Variants in ATP13A2 observed in about 807,000 individuals in gnomAD.
The protein encoded by ATP13A2 is polyamine-transporting ATPase 13A2.
A neutral mutation model predicts 138.3 loss-of-function variants in ATP13A2; 83 were observed. The observed-to-expected ratio is 0.60, with a 90% confidence interval of 0.50 to 0.72. The LOEUF (loss-of-function observed/expected upper bound fraction) is 0.72. ATP13A2 is among the 30% of genes least tolerant of loss of function. The pLI is 0.00. For missense variants in ATP13A2, 1,402 were observed against 1,606.4 expected (o/e 0.87, Z 2.17); for synonymous variants, 663 against 699.0 (o/e 0.95, Z 0.81).
At position 16,997,414 on chromosome 1, in the gene ATP13A2, C is replaced by CGGG. The variant is rs1379881479; in HGVS notation, c.1040-242_1040-240dup. Among the ~76,000 whole-genome samples the CGGG allele has an allele frequency of 5.4e-3, 304 of 55,858 alleles. 6 individuals carry two copies. The highest frequency in any genetic ancestry group is 0.017 in the African/African-American group (174 of 10,180). 36.6% of individuals were successfully genotyped at this position (55,858 alleles called of 152,430 possible). Reference sequence around the variant, plus strand: ...GTGGCAGCCAGCTCCCTGGAACCAGCGGGGGGGGGTGGGTCAGACAGAGCA... The same window carrying CGGG: ...GTGGCAGCCAGCTCCCTGGAACCAGCGGGGGGGGGGGGTGGGTCAGACAGAGCA... On this transcript the variant is annotated intron_variant, in intron 11 of 28. Coordinates refer to ENST00000326735, the MANE Select transcript of ATP13A2 (RefSeq NM_022089.4).
intron 25 of ATP13A2, 81 bp from the exon 26 acceptor site, chr1:16,987,350 C>T (rs2076773695): frequency 7.4e-7 from 1 of 1,359,738 alleles, no homozygotes; most frequent in Admixed American, 1.9e-5. Context: ...GGCCCCACCC[C>T]TGCCCCGAAG....
At position 16,986,329 on chromosome 1, in the gene ATP13A2, G is replaced by A. The variant is rs752663856; in HGVS notation, c.3435C>T (p.Cys1145=). 5.7e-6 allele frequency: 9 copies of A among 1,582,502 alleles called. No individual in the cohort carries two copies. Among genetic ancestry groups the A allele is most frequent in the East Asian group, 2.3e-5 (1 of 43,382 alleles). Residue 1145 remains cysteine (C), a synonymous_variant, in exon 29 of 29, where the codon TGC becomes TGT. Transcript: ENST00000326735. This position sits in a 1 kb window ranked among gnomAD's most constrained non-coding sequence, Gnocchi z 6.9. ...ESVLDQCLPA[C]LRRLRPKRAS... ...CCCGCTTGGGCCGGAGGCGGCGCAG[G>A]CAGGCGGGGAGGCACTGGTCTAGCA...
rs370677966 is a variant in ATP13A2 at position 16,986,611 on chromosome 1, G to A, written c.3257C>T (p.Ala1086Val). Residue 1086 changes from alanine (A) to valine (V), a missense_variant, in exon 28 of 29, where the codon GCG (alanine) becomes GTG (valine). Transcript: ENST00000326735. The surrounding 1 kb of genome is among the most constrained non-coding windows in gnomAD (Gnocchi z 6.9). Reference sequence around the variant, plus strand: ...GCCCACCAGGACGGAGCTCAGGAGCGCCAGGGCCACCAGGAAGGGCACTGG... The same window carrying A: ...GCCCACCAGGACGGAGCTCAGGAGCACCAGGGCCACCAGGAAGGGCACTGG... ...YTNVPFLVAL[A>V]LLSSVLVGLV... The A allele has an allele frequency of 6.1e-5, 98 of 1,609,796 alleles. No individual in the cohort carries two copies. Among genetic ancestry groups the A allele is most frequent in the Middle Eastern group, 3.3e-4 (2 of 6,010 alleles).
rs553370872 is a variant in ATP13A2 at position 16,996,345 on chromosome 1, G to C, written c.1306+41C>G. 9 of 1,607,472 alleles carry C rather than the reference G, an allele frequency of 5.6e-6. No individual in the cohort carries two copies. In the East Asian group the frequency reaches 8.9e-5, roughly 16 times the overall value. ...CTGAGTGGGATTTGGGACCCAGGTG[G>C]GGGGGGCTATGGGCAGAGGAGGGTG... On this transcript the variant is annotated intron_variant, in intron 13 of 28. Transcript: ENST00000326735.
Position 16,986,404 on chromosome 1 carries a change from G to T in ATP13A2, c.3406-46C>A. On this transcript the variant is annotated intron_variant, in intron 28 of 28. Transcript: ENST00000326735. The surrounding 1 kb of genome is among the most constrained non-coding windows in gnomAD (Gnocchi z 6.9). ...GTCAGGGGCAGCCGGGGCTGAGCTG[G>T]GGTCAATGCACCCCCACCTCCCTTC... The T allele has an allele frequency of 6.2e-7, 1 of 1,600,748 alleles. No individual in the cohort carries two copies. Among genetic ancestry groups the T allele is most frequent in the Non-Finnish European group, 8.5e-7 (1 of 1,176,338 alleles).
At chr1:17,005,262 C>G in intron 3 of ATP13A2, 112 bp downstream of exon 3, 1 of 1,489,650 alleles carries the variant, frequency 6.7e-7, no homozygotes, top group Non-Finnish European at 9.1e-7. Context: ...AGAGCGGGAC[C>G]TGCCTAATGT....
rs2077107523 is a variant in ATP13A2 at position 16,996,024 on chromosome 1, T to C, written c.1494A>G (p.Pro498=). Reference sequence around the variant, plus strand: ...GCTTGCCCCCCAGGTTGATGCGCAGTGGGTGGATGCAGAAAATGCCCTGTC... The same window carrying C: ...GCTTGCCCCCCAGGTTGATGCGCAGCGGGTGGATGCAGAAAATGCCCTGTC... ...LRRQGIFCIH[P]LRINLGGKLQ... is the part of the protein sequence containing the mutation. Residue 498 remains proline (P), a synonymous_variant, in exon 15 of 29, where the codon CCA becomes CCG. Coordinates refer to ENST00000326735, the MANE Select transcript of ATP13A2 (RefSeq NM_022089.4). 6.2e-7 allele frequency: 1 copy of C among 1,614,046 alleles called. No homozygotes were observed. Among genetic ancestry groups the C allele is most frequent in the Non-Finnish European group, 8.5e-7 (1 of 1,180,032 alleles).
chr1:16,999,833 G>A (rs1476170116), intron 11 of ATP13A2, among the ~76,000 whole-genome samples, 178 bp downstream of exon 11: 2 of 152,166 alleles, frequency 1.3e-5, no homozygotes, highest in African/African-American at 4.8e-5. Flanking sequence ...CCTGGGGGGT[G>A]GAGGCTGCAG....
intron 20 of ATP13A2, among the ~76,000 whole-genome samples, 157 bp downstream of exon 20, chr1:16,991,577 G>A (rs2076932287): frequency 6.6e-6 from 1 of 152,170 alleles, no homozygotes; most frequent in African/African-American, 2.4e-5. Flanking sequence ...CACTTGCGGG[G>A]GGGATATTGT....
At position 17,000,232 on chromosome 1, in the gene ATP13A2, C is replaced by T; in HGVS notation, c.907+14G>A. 1 of 1,438,674 alleles carries T rather than the reference C, an allele frequency of 7.0e-7. No homozygotes were observed. Among genetic ancestry groups the T allele is most frequent in the Non-Finnish European group, 9.3e-7 (1 of 1,072,158 alleles). 89.1% of individuals were successfully genotyped at this position (1,438,674 alleles called of 1,614,324 possible). A position where few individuals can be genotyped will look rare whatever the true frequency, so the allele number is the denominator to read the frequency against. On this transcript the variant is annotated intron_variant, in intron 10 of 28. Transcript: ENST00000326735. The stretch of plus-strand genomic sequence containing the variant: ...CCCACTCCTGCCCCCGCCCCCTGGG[C>T]CCTAGCTCCTCACCTCCCCCTGGCC...
chr1:17,005,618 G>T lies in ATP13A2; in HGVS notation c.106-62C>A. 6 of 1,613,304 alleles carry T rather than the reference G, an allele frequency of 3.7e-6. No individual in the cohort carries two copies. In the South Asian group the frequency reaches 4.4e-5, roughly 12 times the overall value. ...GGAACGGGGCTGGAGTAGGAAGTTGGGGTGTCTGGGTGGGCCTGGGCATTC... is the reference window on the plus strand; with the variant it reads ...GGAACGGGGCTGGAGTAGGAAGTTGTGGTGTCTGGGTGGGCCTGGGCATTC... On this transcript the variant is annotated intron_variant, in intron 2 of 28. Transcript: ENST00000326735.
chr1:17,005,076 G>T lies in ATP13A2; in HGVS notation c.289-4C>A, dbSNP rs748705573. 1.2e-6 allele frequency: 2 copies of T among 1,614,054 alleles called. No homozygotes were observed. The highest frequency in any genetic ancestry group is 1.7e-6 in the Non-Finnish European group (2 of 1,179,994). On this transcript the variant is annotated splice_region_variant and splice_polypyrimidine_tract_variant and intron_variant, in intron 3 of 28. Transcript: ENST00000326735. ...TGAAGAGCTGCCAGGAACTATCCTG[G>T]AACACAGAGGTATGGACTCAGTCTC... is the stretch of plus-strand genomic sequence containing the variant.
chr1:16,999,464 C>T (rs1196000123), intron 11 of ATP13A2, among the ~76,000 whole-genome samples: 2 of 151,484 alleles, frequency 1.3e-5, no homozygotes. Context: ...TCTCACGCTC[C>T]TAAGCACTTT....
chr1:17,002,061 C>G lies in ATP13A2; in HGVS notation c.678G>C (p.Lys226Asn). The part of the protein sequence containing the change: ...YGPNVISIPV[K>N]SYPQLLVDEA... The stretch of plus-strand genomic sequence containing the variant: ...CGTCCACCAGCAGCTGGGGGTAGGA[C>G]TTGACCGGTATGCTGATCACGTTGG... Residue 226 changes from lysine (K) to asparagine (N), a missense_variant, in exon 8 of 29, where the codon AAG becomes AAC. Physicochemically the swap from Lys to Asn is moderately conservative, Grantham distance 94. Transcript: ENST00000326735. 7 of 1,613,414 alleles carry G rather than the reference C, an allele frequency of 4.3e-6. No individual in the cohort carries two copies. Among genetic ancestry groups the G allele is most frequent in the Non-Finnish European group, 5.9e-6 (7 of 1,179,706 alleles).
At chr1:17,009,077 C>G (rs759612040) in intron 1 of ATP13A2, among the ~76,000 whole-genome samples, 5 of 152,146 alleles carry the variant, frequency 3.3e-5, no homozygotes, top group African/African-American at 4.8e-5. Context: ...GGTGGGCTCT[C>G]TTACCCAGTT....
At position 16,988,446 on chromosome 1, in the gene ATP13A2, C is replaced by T; in HGVS notation, c.2638G>A (p.Ala880Thr). ...GCCTTCAGGGCCCCACAGTCATTGG[C>T]GCCGTCTCCGCACATGCCCACGCAG... ...QYCVGMCGDG[A>T]NDCGALKAAD... Residue 880 changes from alanine (A) to threonine (T), a missense_variant, in exon 24 of 29, where the codon GCC becomes ACC. Physicochemically the swap from Ala to Thr is moderately conservative, Grantham distance 58 (BLOSUM62 0). Transcript: ENST00000326735. 7 of 1,613,938 alleles carry T rather than the reference C, an allele frequency of 4.3e-6. No individual in the cohort carries two copies. The highest frequency in any genetic ancestry group is 1.3e-5 in the African/African-American group (1 of 75,046).
At chr1:16,988,041 G>C in intron 25 of ATP13A2, 97 bp downstream of exon 25, 2 of 1,122,544 alleles carry the variant, frequency 1.8e-6, no homozygotes, top group South Asian at 2.6e-5. Context: ...CTGGGCCCAC[G>C]TCATCTATTC....
In ATP13A2 at chr1:17,009,031, G is replaced by C. The variant is rs574190811; in HGVS notation, c.10+2698C>G. 2.4e-3 allele frequency among the ~76,000 whole-genome samples: 360 copies of C among 151,524 alleles called. 1 individual carries two copies. Among genetic ancestry groups the C allele is most frequent in the Non-Finnish European group, 3.8e-3 (256 of 67,942 alleles). ...ATGATGGGAAAGGAGCCATCCCTGC[G>C]GTGCTGATTTGATTTCCTCCCGCAC... On this transcript the variant is annotated intron_variant, in intron 1 of 28. Transcript: ENST00000326735.
chr1:17,000,462 C>G lies in ATP13A2; in HGVS notation c.778G>C (p.Ala260Pro). 1 of 1,614,052 alleles carries G rather than the reference C, an allele frequency of 6.2e-7. No individual in the cohort carries two copies. The change falls in exon 9 of 29, where the codon GCC (alanine) becomes CCC (proline). Residue 260 changes from alanine (A) to proline (P), a missense_variant. Ala to Pro is a conservative substitution (Grantham distance 27, BLOSUM62 -1). Coordinates refer to ENST00000326735, the MANE Select transcript of ATP13A2 (RefSeq NM_022089.4). ...LWLADHYYWY[A>P]LCIFLISSIS... ...GAGGAAATGAGGAAGATGCACAGGG[C>G]GTACCAGTAGTAGTGGTCAGCCAGC...
Sources: gnomAD v4.1 joint callset for allele counts (sites outside exome capture counted in the v4.1 genomes callset) on GRCh38, gnomAD v4.1.1 for gene constraint, Gnocchi (gnomAD v3.1) non-coding constraint, MANE v1.5 for transcripts, NCBI Gene and HGNC (gene_info 2026-07-23, HGNC 2026-07-21) for gene names.